The following TNFAIP6 variants were observed in gnomAD, a reference collection of about 807,000 sequenced individuals.
TNFAIP6 encodes TNF alpha induced protein 6.
A neutral mutation model predicts 33.7 loss-of-function variants in TNFAIP6; 36 were observed. The ratio of observed to expected loss-of-function variants is 1.07; its 90% CI spans 0.82 to 1.41. The LOEUF is 1.41. Among genes scored for constraint, TNFAIP6 ranks in the 40% most tolerant of loss-of-function variants. The pLI, the probability that TNFAIP6 is intolerant of heterozygous loss-of-function variation, is 0.00. For missense variants in TNFAIP6, 273 were observed against 331.9 expected, an observed-to-expected ratio of 0.82 and a Z score of 1.38; for synonymous variants, 113 against 112.8, an observed-to-expected ratio of 1.00 and a Z score of -0.01.
At chr2:151,372,673 A>C (rs1236779864) in intron 4 of TNFAIP6, among the ~76,000 whole-genome samples, 1 of 152,180 alleles carries the variant, frequency 6.6e-6, no homozygotes, top group Non-Finnish European at 1.5e-5. Flanking sequence ...TAATCCTAGC[A>C]CTTTGGGAGG....
At chr2:151,363,616 C>T (rs183494456) in intron 1 of TNFAIP6, among the ~76,000 whole-genome samples, 2 of 151,824 alleles carry the variant, frequency 1.3e-5, no homozygotes, top group African/African-American at 2.4e-5. Context: ...GAGCTGAGAT[C>T]GCGCCACTGC....
At chr2:151,376,185 G>A (rs1327886765) in intron 5 of TNFAIP6, among the ~76,000 whole-genome samples, 1 of 152,118 alleles carries the variant, frequency 6.6e-6, no homozygotes, top group African/African-American at 2.4e-5. Flanking sequence ...GGCAGAGGTT[G>A]TAGTTAGCTG....
At chr2:151,360,301 G>GA (rs1356469395) in intron 1 of TNFAIP6, among the ~76,000 whole-genome samples, 4 of 150,692 alleles carry the variant, frequency 2.7e-5, no homozygotes, top group Admixed American at 6.6e-5. Flanking sequence ...TTGTCTCAGA[G>GA]AAAAAAAAAG....
At chr2:151,374,629 C>T (rs778983035) in intron 5 of TNFAIP6, among the ~76,000 whole-genome samples, 1 of 152,128 alleles carries the variant, frequency 6.6e-6, no homozygotes, top group Non-Finnish European at 1.5e-5. Flanking sequence ...GCTCTGTTAT[C>T]GAATGATTAA....
At chr2:151,360,297 C>G (rs1265896549) in intron 1 of TNFAIP6, among the ~76,000 whole-genome samples, 1 of 151,434 alleles carries the variant, frequency 6.6e-6, no homozygotes, top group African/African-American at 2.4e-5. Flanking sequence ...GACCTTGTCT[C>G]AGAGAAAAAA....
chr2:151,378,242 T>C (rs1309846927), intron 5 of TNFAIP6, among the ~76,000 whole-genome samples: 1 of 152,140 alleles, frequency 6.6e-6, no homozygotes, highest in Non-Finnish European at 1.5e-5. Flanking sequence ...GAAAAAGATA[T>C]AAATATTCCT....
At chr2:151,367,748 G>C (rs576701359) in intron 3 of TNFAIP6, among the ~76,000 whole-genome samples, 1 of 151,954 alleles carries the variant, frequency 6.6e-6, no homozygotes, top group African/African-American at 2.4e-5. Context: ...CATTTAGCTC[G>C]CTTTTGGATT....
chr2:151,380,591 G>A (rs778877354), downstream of TNFAIP6, among the ~76,000 whole-genome samples: 15 of 152,182 alleles, frequency 9.9e-5, no homozygotes, highest in Non-Finnish European at 1.9e-4. Flanking sequence ...AGCAGAGGAC[G>A]TTGGTTTTAT....
chr2:151,363,586 C>T (rs1386568106), intron 1 of TNFAIP6, among the ~76,000 whole-genome samples: 2 of 151,958 alleles, frequency 1.3e-5, no homozygotes, highest in Non-Finnish European at 2.9e-5. Context: ...GGTGTGAACC[C>T]GGGAGGCGGA....
At position 151,370,062 on chromosome 2, in the gene TNFAIP6, T is replaced by A. The variant is rs777047478; in HGVS notation, c.437T>A (p.Phe146Tyr). 7 of 1,614,120 alleles carry A rather than the reference T, an allele frequency of 4.3e-6. 1 individual carries two copies. The South Asian group carries it at 7.7e-5, about 18-fold the overall frequency. The change falls in exon 4 of 6, where the codon TTT becomes TAT. Residue 146 changes from phenylalanine to tyrosine, a missense_variant. Physicochemically the swap from Phe to Tyr is conservative, Grantham distance 22 (BLOSUM62 3). Coordinates refer to ENST00000243347, the MANE Select transcript of TNFAIP6 (RefSeq NM_007115.4). ...GGVFTDPKQI[F>Y]KSPGFPNEYE... ...GTCTTTACAGATCCAAAGCAAATTTTTAAATCTCCAGGCTTCCCAAATGAG... is the reference window on the plus strand; with the variant it reads ...GTCTTTACAGATCCAAAGCAAATTTATAAATCTCCAGGCTTCCCAAATGAG...
At chr2:151,362,031 A>G (rs1684632472) in intron 1 of TNFAIP6, among the ~76,000 whole-genome samples, 1 of 152,208 alleles carries the variant, frequency 6.6e-6, no homozygotes, top group South Asian at 2.1e-4. Flanking sequence ...TCCTGGATTC[A>G]TTTCTTGGTG....
intron 5 of TNFAIP6, 137 bp from the exon 6 acceptor site, chr2:151,379,227 T>C: frequency 1.3e-6 from 1 of 790,540 alleles, no homozygotes; most frequent in Non-Finnish European, 1.9e-6. Flanking sequence ...CTCTTCAGCT[T>C]GAGAATCGAC....
At position 151,379,032 on chromosome 2, in the gene TNFAIP6, G is replaced by A. The variant is rs375621954; in HGVS notation, c.665-332G>A. Among the ~76,000 whole-genome samples the A allele has an allele frequency of 3.6e-4, 55 of 152,138 alleles. No homozygotes were observed. The East Asian group carries it at 6.7e-3, about 18-fold the overall frequency. ...GGAGAATCGCTTGAGCCCGGGAGGCGGAGGTTGCGGTGAGCCGAGATCGCG... is the reference window on the plus strand; with the variant it reads ...GGAGAATCGCTTGAGCCCGGGAGGCAGAGGTTGCGGTGAGCCGAGATCGCG... On this transcript the variant is annotated intron_variant, in intron 5 of 5. Transcript: ENST00000243347.
chr2:151,377,481 GTTTGTT>G (rs1290276555), intron 5 of TNFAIP6, among the ~76,000 whole-genome samples: 1 of 97,576 alleles, frequency 1.0e-5, no homozygotes, highest in African/African-American at 6.0e-5. Flanking sequence ...TTTTGTGTTT[GTTTGTT>G]TGTTTGTTTG....
chr2:151,365,133 G>C (rs959412933), intron 2 of TNFAIP6, among the ~76,000 whole-genome samples: 1 of 152,092 alleles, frequency 6.6e-6, no homozygotes, highest in African/African-American at 2.4e-5. Flanking sequence ...TTGAGCTCAG[G>C]AGTTCAAGAC....
chr2:151,365,533 GGAGGCT>G (rs1398892351), intron 2 of TNFAIP6, among the ~76,000 whole-genome samples: 1 of 150,226 alleles, frequency 6.7e-6, no homozygotes, highest in Non-Finnish European at 1.5e-5. Context: ...CAGCTATTCA[GGAGGCT>G]GAGGCAGGAG....
intron 1 of TNFAIP6, 47 bp from the exon 2 acceptor site, chr2:151,363,896 C>T (rs781315888): frequency 5.6e-6 from 9 of 1,598,670 alleles, no homozygotes; most frequent in South Asian, 1.1e-5. Flanking sequence ...TCCCCTGTTC[C>T]GTAAGAAGGA....
intron 4 of TNFAIP6, among the ~76,000 whole-genome samples, chr2:151,370,878 C>G (rs528684613): frequency 6.6e-6 from 1 of 152,266 alleles, no homozygotes; most frequent in South Asian, 2.1e-4. Flanking sequence ...CAAGACCAGC[C>G]TGGCCAACAT....
chr2:151,364,114 T>C lies in TNFAIP6; in HGVS notation c.232+34T>C, dbSNP rs557244131. 2.6e-5 allele frequency: 41 copies of C among 1,607,138 alleles called. 1 individual carries two copies. The South Asian group carries it at 4.1e-4, about 16-fold the overall frequency. On this transcript the variant is annotated intron_variant, in intron 2 of 5. Coordinates refer to ENST00000243347, the MANE Select transcript of TNFAIP6 (RefSeq NM_007115.4). ...TTTCACAATGATTTTTCTTCTTTTT[T>C]ATCCTTGGAGGAAAAAAATCCATCT...
Sources: gnomAD v4.1 joint callset for allele counts (sites outside exome capture counted in the v4.1 genomes callset) on GRCh38, gnomAD v4.1.1 for gene constraint, MANE v1.5 for transcripts, NCBI Gene and HGNC (gene_info 2026-07-23, HGNC 2026-07-21) for gene names.